Variants in PPM1H observed in about 807,000 individuals in gnomAD.
The protein encoded by PPM1H is protein phosphatase, Mg2+/Mn2+ dependent 1H.
Under a neutral mutation model 54.9 loss-of-function variants are expected in PPM1H, and 27 were observed. The observed-to-expected ratio is 0.49, with a 90% CI of 0.36 to 0.68. The LOEUF is 0.68. Among genes scored for constraint, PPM1H ranks in the 30% least tolerant of loss-of-function variants. The probability of loss-of-function intolerance (pLI) is 0.00; values close to 1 mark genes in which losing one functional copy is unlikely to be tolerated. For synonymous variants in PPM1H, 305 were observed against 270.8 expected (o/e 1.13, Z -1.24); for missense variants, 596 against 667.8 (o/e 0.89, Z 1.19).
intron 1 of PPM1H, among the ~76,000 whole-genome samples, chr12:62,923,228 A>G (rs1252932100): frequency 6.6e-6 from 1 of 152,220 alleles, no homozygotes; most frequent in African/African-American, 2.4e-5. Flanking sequence ...AAACAAGCTT[A>G]GAGATAACTC....
chr12:62,768,752 A>G (rs2076560689), intron 4 of PPM1H, among the ~76,000 whole-genome samples: 1 of 152,092 alleles, frequency 6.6e-6, no homozygotes, highest in Non-Finnish European at 1.5e-5. Context: ...AGGGGAAGGG[A>G]GCAAATACAG....
At chr12:62,748,985 A>C (rs2076427105) in intron 4 of PPM1H, among the ~76,000 whole-genome samples, 1 of 152,232 alleles carries the variant, frequency 6.6e-6, no homozygotes. Context: ...GTAGGAAAAT[A>C]CTGACAAGGA....
At chr12:62,841,298 G>T (rs1253589404) in intron 1 of PPM1H, among the ~76,000 whole-genome samples, 3 of 152,132 alleles carry the variant, frequency 2.0e-5, no homozygotes, top group African/African-American at 4.8e-5. Flanking sequence ...GACACTGCTT[G>T]TTTTTACACA....
chr12:62,875,515 C>T (rs754966235), intron 1 of PPM1H, among the ~76,000 whole-genome samples: 31 of 152,186 alleles, frequency 2.0e-4, no homozygotes, highest in Admixed American at 1.3e-4. Context: ...AGAAATCATT[C>T]AGACAACAAA....
chr12:62,741,733 G>T (rs2076381966), intron 4 of PPM1H, among the ~76,000 whole-genome samples: 1 of 152,120 alleles, frequency 6.6e-6, no homozygotes, highest in Non-Finnish European at 1.5e-5. Context: ...ATATTTTCCA[G>T]GCAGAGTCTA....
intron 1 of PPM1H, among the ~76,000 whole-genome samples, chr12:62,900,289 T>A (rs1871127104): frequency 6.6e-6 from 1 of 152,074 alleles, no homozygotes; most frequent in African/African-American, 2.4e-5. Flanking sequence ...CTTGTGATAG[T>A]TTGCTGAGAA....
chr12:62,843,035 G>T (rs1868813663), intron 1 of PPM1H, among the ~76,000 whole-genome samples: 1 of 152,214 alleles, frequency 6.6e-6, no homozygotes, highest in African/African-American at 2.4e-5. Context: ...TGTTTCATAG[G>T]CTGGGCATGG....
In PPM1H at chr12:62,897,737, T is replaced by C. The variant is rs1034068989; in HGVS notation, c.245+36755A>G. Among the ~76,000 whole-genome samples the C allele has an allele frequency of 3.3e-5, 5 of 152,008 alleles. 1 individual carries two copies. In the South Asian group the frequency reaches 6.2e-4, roughly 19 times the overall value. The stretch of plus-strand genomic sequence containing the variant: ...GATTTCAGCTGGGTCAAGCAGAAGA[T>C]CTCTTTCAAGACTCTAAACCAAGAA... On this transcript the variant is annotated intron_variant, in intron 1 of 9. Transcript: ENST00000228705.
At chr12:62,718,220 G>A (rs1204424482) in intron 6 of PPM1H, among the ~76,000 whole-genome samples, 1 of 152,198 alleles carries the variant, frequency 6.6e-6, no homozygotes, top group Non-Finnish European at 1.5e-5. Flanking sequence ...TATTTAAATA[G>A]GCAACTGGTG....
intron 6 of PPM1H, among the ~76,000 whole-genome samples, chr12:62,713,968 TAAAAAAAAC>T (rs780345957): frequency 6.0e-5 from 9 of 150,786 alleles, no homozygotes; most frequent in African/African-American, 9.8e-5. Context: ...ACCCTGTCTT[TAAAAAAAAC>T]AAAAAAAACA....
chr12:62,772,750 TG>T (rs1270067711), intron 4 of PPM1H, among the ~76,000 whole-genome samples: 9 of 152,246 alleles, frequency 5.9e-5, no homozygotes, highest in African/African-American at 1.9e-4. Flanking sequence ...TCTGCAGGGC[TG>T]GGGAGGATTA....
At chr12:62,889,320 T>C (rs1870699495) in intron 1 of PPM1H, among the ~76,000 whole-genome samples, 1 of 152,038 alleles carries the variant, frequency 6.6e-6, no homozygotes, top group African/African-American at 2.4e-5. Context: ...AATACAATAC[T>C]GAAGGAAGAA....
intron 9 of PPM1H, among the ~76,000 whole-genome samples, 186 bp downstream of exon 9, chr12:62,666,992 A>T (rs879064435): frequency 5.9e-5 from 9 of 152,198 alleles, no homozygotes; most frequent in African/African-American, 2.2e-4. Flanking sequence ...GATTATAGGC[A>T]TGAGACGCCA....
chr12:62,849,723 G>A (rs894413564), intron 1 of PPM1H, among the ~76,000 whole-genome samples: 38 of 152,252 alleles, frequency 2.5e-4, no homozygotes, highest in African/African-American at 9.1e-4. Context: ...AGGAAGAAAA[G>A]TTTTAAGATG....
At chr12:62,890,729 C>T (rs1298043124) in intron 1 of PPM1H, among the ~76,000 whole-genome samples, 1 of 143,114 alleles carries the variant, frequency 7.0e-6, no homozygotes. Flanking sequence ...CACACACACA[C>T]ACACACACAC....
chr12:62,729,150 G>A (rs2076306374), intron 5 of PPM1H, among the ~76,000 whole-genome samples: 1 of 152,192 alleles, frequency 6.6e-6, no homozygotes, highest in South Asian at 2.1e-4. Context: ...ACCCACACAA[G>A]TGAAGGAGGC....
intron 8 of PPM1H, 55 bp downstream of exon 8, chr12:62,689,644 A>G: frequency 7.2e-7 from 1 of 1,384,514 alleles, no homozygotes; most frequent in Non-Finnish European, 1.0e-6. Flanking sequence ...CACAGGAGGA[A>G]TAACGCCGAA....
At chr12:62,895,688 C>T (rs1870962502) in intron 1 of PPM1H, among the ~76,000 whole-genome samples, 1 of 152,118 alleles carries the variant, frequency 6.6e-6, no homozygotes, top group Admixed American at 6.5e-5. Flanking sequence ...CCTGCAATAA[C>T]TGGTTGTTGA....
In PPM1H at chr12:62,759,743, C is replaced by T. The variant is rs890388194; in HGVS notation, c.870-22157G>A. Among the ~76,000 whole-genome samples the T allele has an allele frequency of 7.9e-5, 12 of 151,642 alleles. 1 individual carries two copies. Among genetic ancestry groups the T allele is most frequent in the Non-Finnish European group, 1.6e-4 (11 of 67,916 alleles). On this transcript the variant is annotated intron_variant, in intron 4 of 9. Coordinates refer to ENST00000228705, the MANE Select transcript of PPM1H (RefSeq NM_020700.2). ...CTTCTCCACTTTCCTGGGGGGCAAG[C>T]ACCTCCCACTCCTTTTCCACTTTCC...
Sources: allele counts gnomAD v4.1 joint callset (sites outside exome capture counted in the v4.1 genomes callset), GRCh38; gene constraint gnomAD v4.1.1; transcripts MANE v1.5; gene names NCBI Gene and HGNC (gene_info 2026-07-23, HGNC 2026-07-21).